TNFRSF8: variants seen among roughly 807,000 people sequenced by gnomAD.
TNFRSF8 encodes the protein TNF receptor superfamily member 8.
Under a neutral mutation model 70.8 loss-of-function variants are expected in TNFRSF8, and 26 were observed. The ratio of observed to expected loss-of-function variants is 0.37; its 90% CI spans 0.27 to 0.51. The LOEUF (loss-of-function observed/expected upper bound fraction) is 0.51, where lower values mean the gene tolerates loss of function less well. Among genes scored for constraint, TNFRSF8 ranks in the 20% least tolerant of loss-of-function variants. The pLI is 0.94. For missense variants in TNFRSF8, 720 were observed against 807.9 expected, an observed-to-expected ratio of 0.89 and a Z score of 1.32; for synonymous variants, 356 against 339.2, an observed-to-expected ratio of 1.05 and a Z score of -0.54.
At chr1:12,117,130 C>T (rs1294248251) in intron 8 of TNFRSF8, among the ~76,000 whole-genome samples, 3 of 151,862 alleles carry the variant, frequency 2.0e-5, no homozygotes, top group African/African-American at 7.3e-5. Flanking sequence ...TTGCCCAGGC[C>T]GATGTGCAGT....
chr1:12,089,184 C>A (rs1431181327), intron 2 of TNFRSF8, among the ~76,000 whole-genome samples: 1 of 152,166 alleles, frequency 6.6e-6, no homozygotes, highest in African/African-American at 2.4e-5. Flanking sequence ...TGGCTCTGGG[C>A]TCTTGGTGCC....
At position 12,063,678 on chromosome 1, in the gene TNFRSF8, C is replaced by A. The variant is rs1233890205; in HGVS notation, c.63+17C>A. ...TTCCCACAGGTAAGCGGGTGACGGG[C>A]GCCTGGGGAGGTGCCGGCGGTCCAG... On this transcript the variant is annotated intron_variant, in intron 1 of 14. Coordinates refer to ENST00000263932, the MANE Select transcript of TNFRSF8 (RefSeq NM_001243.5). The surrounding 1 kb of genome is among the most constrained non-coding windows in gnomAD (Gnocchi z 7.2). 2 of 1,267,672 alleles carry A rather than the reference C, an allele frequency of 1.6e-6. No homozygotes were observed. The highest frequency in any genetic ancestry group is 1.5e-5 in the African/African-American group (1 of 64,542). 78.5% of individuals were successfully genotyped at this position (1,267,672 alleles called of 1,614,324 possible).
chr1:12,127,826 A>G (rs1294013896), intron 12 of TNFRSF8, among the ~76,000 whole-genome samples: 1 of 152,108 alleles, frequency 6.6e-6, no homozygotes, highest in East Asian at 1.9e-4. Context: ...CCTCTGTGAG[A>G]GCAGTTTTGT....
At chr1:12,107,210 T>A (rs56027210) in intron 4 of TNFRSF8, among the ~76,000 whole-genome samples, 2 of 152,150 alleles carry the variant, frequency 1.3e-5, no homozygotes, top group African/African-American at 4.8e-5. Flanking sequence ...GCCTGGCCAA[T>A]GTGGTGAAAC....
At chr1:12,080,446 T>G in intron 1 of TNFRSF8, 1 of 525,964 alleles carries the variant, frequency 1.9e-6, no homozygotes, top group East Asian at 5.2e-5. Flanking sequence ...TGTTGTTGTC[T>G]TCTATCTTCT....
rs961348491 is a variant in TNFRSF8 at position 12,128,696 on chromosome 1, C to T, written c.1309+2460C>T. Among the ~76,000 whole-genome samples, 7 of 152,144 alleles carry T rather than the reference C, an allele frequency of 4.6e-5. 1 individual carries two copies. The highest frequency in any genetic ancestry group is 1.3e-4 in the Admixed American group (2 of 15,276). On this transcript the variant is annotated intron_variant, in intron 12 of 14. Coordinates refer to ENST00000263932, the MANE Select transcript of TNFRSF8 (RefSeq NM_001243.5). Reference sequence around the variant, plus strand: ...GAATGGATGGTTCTTTGCTGTGGAGCGCTATCCTATAGGACGTTGTACAGC... The same window carrying T: ...GAATGGATGGTTCTTTGCTGTGGAGTGCTATCCTATAGGACGTTGTACAGC...
At chr1:12,090,238 C>T (rs1349436921) in intron 2 of TNFRSF8, among the ~76,000 whole-genome samples, 1 of 144,924 alleles carries the variant, frequency 6.9e-6, no homozygotes, top group Non-Finnish European at 1.5e-5. Flanking sequence ...CACCTTTCCC[C>T]ATCCATCTAT....
Position 12,138,486 on chromosome 1 carries a change from A to G in TNFRSF8, c.1543+50A>G. On this transcript the variant is annotated intron_variant, in intron 14 of 14. Transcript: ENST00000263932. The surrounding 1 kb of genome is among the most constrained non-coding windows in gnomAD (Gnocchi z 5.7). ...CCCCTGCAGCCCAGGGGCAGATGGG[A>G]GATGAATACGGGGCCCTGGGCCCTG... 1.3e-6 allele frequency: 2 copies of G among 1,546,976 alleles called. No homozygotes were observed. The highest frequency in any genetic ancestry group is 1.8e-6 in the Non-Finnish European group (2 of 1,138,738).
intron 12 of TNFRSF8, among the ~76,000 whole-genome samples, chr1:12,127,229 G>A (rs979249735): frequency 1.3e-5 from 2 of 152,202 alleles, no homozygotes; most frequent in African/African-American, 4.8e-5. Flanking sequence ...CTCTGTGCTG[G>A]GCTCTGATGG....
chr1:12,107,648 G>A (rs925647444), intron 4 of TNFRSF8, among the ~76,000 whole-genome samples: 3 of 152,042 alleles, frequency 2.0e-5, no homozygotes, highest in Non-Finnish European at 4.4e-5. Flanking sequence ...TGTGTGACTC[G>A]CATATCTCTG....
intron 1 of TNFRSF8, among the ~76,000 whole-genome samples, chr1:12,075,830 C>T (rs956331423): frequency 4.6e-5 from 7 of 152,222 alleles, no homozygotes; most frequent in Admixed American, 3.3e-4. Flanking sequence ...TAACGGCTAA[C>T]GTCAGCATGA....
chr1:12,082,063 T>C (rs1443692259), intron 1 of TNFRSF8, among the ~76,000 whole-genome samples: 1 of 152,012 alleles, frequency 6.6e-6, no homozygotes, highest in Non-Finnish European at 1.5e-5. Context: ...TCCCTTTTGC[T>C]CCACCCTAGA....
chr1:12,115,547 TTCTC>T (rs1350728601), intron 7 of TNFRSF8, 26 bp from the exon 8 acceptor site: 1 of 1,614,016 alleles, frequency 6.2e-7, no homozygotes, highest in Non-Finnish European at 8.5e-7. Flanking sequence ...ATACTGATCT[TTCTC>T]CGTGATCCTC....
At position 12,073,538 on chromosome 1, in the gene TNFRSF8, CTT is replaced by C. The variant is rs1557573458; in HGVS notation, c.63+9879_63+9880del. On this transcript the variant is annotated intron_variant, in intron 1 of 14. Transcript: ENST00000263932. ...CTTCTTTCTTTCTCCCTTTCCGTTC[CTT>C]TCCCTTTCGTTTTCCCTTTCCCTTT... 4.0e-5 allele frequency among the ~76,000 whole-genome samples: 6 copies of C among 150,018 alleles called. 1 individual carries two copies. The highest frequency in any genetic ancestry group is 7.4e-5 in the Non-Finnish European group (5 of 67,636).
In TNFRSF8 at chr1:12,088,988, C is replaced by T. The variant is rs917486722; in HGVS notation, c.151+4437C>T. Reference sequence around the variant, plus strand: ...AGAGCCCCCTCACAGCACCTCCTGGCCCCCCACTGTCCCTGTGTGCTTGAC... The same window carrying T: ...AGAGCCCCCTCACAGCACCTCCTGGTCCCCCACTGTCCCTGTGTGCTTGAC... On this transcript the variant is annotated intron_variant, in intron 2 of 14. Coordinates refer to ENST00000263932, the MANE Select transcript of TNFRSF8 (RefSeq NM_001243.5). This position sits in a 1 kb window ranked among gnomAD's most constrained non-coding sequence, Gnocchi z 4.0. Among the ~76,000 whole-genome samples the T allele has an allele frequency of 6.6e-6, 1 of 152,178 alleles. No individual in the cohort carries two copies. The highest frequency in any genetic ancestry group is 1.5e-5 in the Non-Finnish European group (1 of 68,022).
chr1:12,076,013 C>T (rs888987644), intron 1 of TNFRSF8, among the ~76,000 whole-genome samples: 2 of 149,900 alleles, frequency 1.3e-5, no homozygotes, highest in African/African-American at 5.1e-5. Flanking sequence ...CATCCCAGAA[C>T]CCTTAAATAC....
rs1267049391 is a variant in TNFRSF8 at position 12,088,234 on chromosome 1, C to T, written c.151+3683C>T. 1.3e-5 allele frequency among the ~76,000 whole-genome samples: 2 copies of T among 152,122 alleles called. No homozygotes were observed. Among genetic ancestry groups the T allele is most frequent in the African/African-American group, 2.4e-5 (1 of 41,424 alleles). ...CCCTTTGCTTACATACTCTTGGTGA[C>T]GGGGAGCTCATTCACTGACTCATAA... On this transcript the variant is annotated intron_variant, in intron 2 of 14. Coordinates refer to ENST00000263932, the MANE Select transcript of TNFRSF8 (RefSeq NM_001243.5). The surrounding 1 kb of genome is among the most constrained non-coding windows in gnomAD (Gnocchi z 4.0).
At chr1:12,080,527 C>A (rs932417710) in intron 1 of TNFRSF8, 8 of 465,686 alleles carry the variant, frequency 1.7e-5, no homozygotes, top group Non-Finnish European at 3.3e-5. Flanking sequence ...TGGGAACGCT[C>A]TTTCGAGGAT....
At chr1:12,064,015 G>A (rs1640694763) in intron 1 of TNFRSF8, among the ~76,000 whole-genome samples, 1 of 152,190 alleles carries the variant, frequency 6.6e-6, no homozygotes, top group Admixed American at 6.5e-5. Flanking sequence ...TGGGAGTAGT[G>A]GGCAGGCCAG....
Sources: gnomAD v4.1 joint callset for allele counts (sites outside exome capture counted in the v4.1 genomes callset) on GRCh38, gnomAD v4.1.1 for gene constraint, Gnocchi (gnomAD v3.1) non-coding constraint, MANE v1.5 for transcripts, NCBI Gene and HGNC (gene_info 2026-07-23, HGNC 2026-07-21) for gene names.